The following RBFOX1 variants were observed in gnomAD, a reference collection of about 807,000 sequenced individuals.
RBFOX1 encodes RNA binding protein fox-1 homolog 1.
In RBFOX1, 8 loss-of-function variants were observed where a neutral mutation model predicts 57.7. The ratio of observed to expected loss-of-function variants is 0.14; its 90% confidence interval spans 0.08 to 0.25. The LOEUF is 0.25. Among genes scored for constraint, RBFOX1 ranks in the 10% least tolerant of loss-of-function variants. The pLI is 1.00. For synonymous variants in RBFOX1, 326 were observed against 222.4 expected, an observed-to-expected ratio of 1.47 and a Z score of -4.15; for missense variants, 611 against 548.5, an observed-to-expected ratio of 1.11 and a Z score of -1.14.
chr16:7,570,334 C>T (rs981026353), intron 5 of RBFOX1, among the ~76,000 whole-genome samples: 1 of 152,048 alleles, frequency 6.6e-6, no homozygotes, highest in Admixed American at 6.6e-5. Context: ...ATAGAATTTG[C>T]TACAGTTCTT....
intron 2 of RBFOX1, among the ~76,000 whole-genome samples, chr16:6,386,838 TA>T (rs1193538633): frequency 1.3e-5 from 2 of 152,060 alleles, no homozygotes; most frequent in African/African-American, 4.8e-5. Context: ...AGGGGCCAGA[TA>T]GGGCTGGGAG....
intron 3 of RBFOX1, among the ~76,000 whole-genome samples, chr16:7,003,445 C>G (rs1019148553): frequency 6.9e-6 from 1 of 144,706 alleles, no homozygotes; most frequent in Non-Finnish European, 1.5e-5. Flanking sequence ...GGTGACAGAG[C>G]GAGACTCCAT....
chr16:5,408,537 G>C (rs1450019896), intron 1 of RBFOX1, among the ~76,000 whole-genome samples: 4 of 152,160 alleles, frequency 2.6e-5, no homozygotes, highest in Non-Finnish European at 5.9e-5. Context: ...CTTTCTCCTG[G>C]ACCATTCCTC....
At chr16:6,030,212 C>T (rs1439613494) in intron 1 of RBFOX1, among the ~76,000 whole-genome samples, 5 of 152,208 alleles carry the variant, frequency 3.3e-5, no homozygotes, top group African/African-American at 1.2e-4. Flanking sequence ...AGCCACTATG[C>T]CCAGCCCTAT....
At chr16:6,471,217 C>T (rs2095167274) in intron 2 of RBFOX1, among the ~76,000 whole-genome samples, 2 of 152,282 alleles carry the variant, frequency 1.3e-5, no homozygotes, top group African/African-American at 4.8e-5. Context: ...CCTTTCTCCC[C>T]TGACTATCGA....
At chr16:5,486,774 C>G (rs1296231370) in intron 2 of RBFOX1, among the ~76,000 whole-genome samples, 1 of 151,982 alleles carries the variant, frequency 6.6e-6, no homozygotes, top group Non-Finnish European at 1.5e-5. Context: ...GGAGCATTCA[C>G]TGATAAAACT....
chr16:6,905,259 T>TA (rs905061942), intron 3 of RBFOX1, among the ~76,000 whole-genome samples: 1 of 151,400 alleles, frequency 6.6e-6, no homozygotes, highest in Non-Finnish European at 1.5e-5. Flanking sequence ...AAAAAAAAAT[T>TA]AAAAAAAAGA....
At chr16:5,890,788 A>G (rs1352039013) in intron 4 of RBFOX1, among the ~76,000 whole-genome samples, 4 of 151,640 alleles carry the variant, frequency 2.6e-5, no homozygotes, top group East Asian at 1.9e-4. Flanking sequence ...ATCCTACACC[A>G]TATTGCCATT....
rs560691912 is a variant in RBFOX1 at position 6,989,471 on chromosome 16, T to G, written c.-15-62586T>G. Among the ~76,000 whole-genome samples, 14 of 152,324 alleles carry G rather than the reference T, an allele frequency of 9.2e-5. No homozygotes were observed. The South Asian group carries it at 2.9e-3, about 32-fold the overall frequency. On this transcript the variant is annotated intron_variant, in intron 3 of 15. Transcript: ENST00000550418. ...ACATATTGGTACCTGTAAGTTAATATCATCCTCTGTAATTATTATATAGCA... is the reference window on the plus strand; with the variant it reads ...ACATATTGGTACCTGTAAGTTAATAGCATCCTCTGTAATTATTATATAGCA...
intron 3 of RBFOX1, among the ~76,000 whole-genome samples, chr16:5,768,868 T>TTTTGTTTG (rs923570067): frequency 6.6e-6 from 1 of 152,036 alleles, no homozygotes; most frequent in Non-Finnish European, 1.5e-5. Context: ...CATCACTGTT[T>TTTTGTTTG]TTTGTTTGTT....
chr16:5,356,954 GCCTCACAGGTA>G, intron 1 of RBFOX1, among the ~76,000 whole-genome samples: 1 of 152,182 alleles, frequency 6.6e-6, no homozygotes, highest in Non-Finnish European at 1.5e-5. Flanking sequence ...TTTCGTTGAA[GCCTCACAGGTA>G]CCCAGTGAAG....
intron 9 of RBFOX1, 52 bp from the exon 10 acceptor site, chr16:7,607,233 A>G: frequency 6.7e-7 from 1 of 1,490,538 alleles, no homozygotes; most frequent in African/African-American, 1.4e-5. Context: ...TTGCAATTAT[A>G]TAAGATGTTG....
intron 3 of RBFOX1, among the ~76,000 whole-genome samples, chr16:6,655,661 A>G (rs75418856): frequency 0.02 from 3,037 of 152,248 alleles, 96 homozygotes; most frequent in African/African-American, 0.063. Context: ...ACATCCAAGA[A>G]GATCAGATTT....
At chr16:7,026,578 T>A (rs1241692934) in intron 3 of RBFOX1, among the ~76,000 whole-genome samples, 1 of 152,106 alleles carries the variant, frequency 6.6e-6, no homozygotes, top group Non-Finnish European at 1.5e-5. Context: ...TCCCCTCTCC[T>A]GGCAGCTGTG....
intron 1 of RBFOX1, among the ~76,000 whole-genome samples, chr16:5,384,358 C>T (rs12926405): frequency 3.4e-4 from 52 of 152,058 alleles, no homozygotes; most frequent in African/African-American, 1.3e-3. Flanking sequence ...ACAGTCTGGC[C>T]AATGTCAGTC....
chr16:7,062,570 C>G (rs2054709279), intron 4 of RBFOX1, among the ~76,000 whole-genome samples: 1 of 152,094 alleles, frequency 6.6e-6, no homozygotes, highest in African/African-American at 2.4e-5. Context: ...TTTCCTCTTT[C>G]ACGTGTGCAG....
intron 4 of RBFOX1, among the ~76,000 whole-genome samples, chr16:7,272,947 G>A (rs1459887738): frequency 8.8e-6 from 1 of 113,534 alleles, no homozygotes; most frequent in Non-Finnish European, 1.7e-5. Flanking sequence ...TTCCTTCCCT[G>A]CTTTCTTCCT....
rs188803870 is a variant in RBFOX1, at chr16:6,603,864, G to A, written c.-63-50739G>A. Among the ~76,000 whole-genome samples the A allele has an allele frequency of 1.8e-4, 28 of 152,200 alleles. No homozygotes were observed. In the East Asian group the frequency reaches 3.1e-3, roughly 17 times the overall value. On this transcript the variant is annotated intron_variant, in intron 2 of 15. Transcript: ENST00000550418. ...TTGTCCATGTGACCCCATTTGCCTC[G>A]AGTTGCTTCTGTAGAGTTTTGATCC... is the stretch of plus-strand genomic sequence containing the variant.
Position 6,042,024 on chromosome 16 carries a change from C to G in RBFOX1, c.-127+22032C>G, listed in dbSNP as rs146148679. On this transcript the variant is annotated intron_variant, in intron 1 of 15. Transcript: ENST00000550418. ...ACTGTCGGCATTCCTTGGCTTGTGG[C>G]CCCTCCTCCATCTTCAAAGCCAGCA... Among the ~76,000 whole-genome samples the G allele has an allele frequency of 7.2e-4, 109 of 152,156 alleles. 3 individuals are homozygous for G. The East Asian group carries it at 0.021, about 29-fold the overall frequency.
Sources: gnomAD v4.1 joint callset for allele counts (sites outside exome capture counted in the v4.1 genomes callset) on GRCh38, gnomAD v4.1.1 for gene constraint, MANE v1.5 for transcripts, NCBI Gene and HGNC (gene_info 2026-07-23, HGNC 2026-07-21) for gene names.